ITGAV: variants seen among roughly 807,000 people sequenced by gnomAD.
The protein encoded by ITGAV is integrin alpha-V.
ITGAV carries 76 observed loss-of-function variants against 143.8 expected under a neutral mutation model. The ratio of observed to expected loss-of-function variants is 0.53; its 90% CI spans 0.44 to 0.64. ITGAV has a LOEUF of 0.64. Ranked by LOEUF, ITGAV falls within the 30% of genes least tolerant of loss-of-function variation. ITGAV has a pLI of 0.00. For synonymous variants in ITGAV, 453 were observed against 446.7 expected (o/e 1.01, Z -0.18); for missense variants, 1,193 against 1,274.7 (o/e 0.94, Z 0.98).
chr2:186,592,211 G>A lies in ITGAV; in HGVS notation c.185+1688G>A, dbSNP rs190391657. On this transcript the variant is annotated intron_variant, in intron 1 of 29. Coordinates refer to ENST00000261023, the MANE Select transcript of ITGAV (RefSeq NM_002210.5). ...CCAGCACCTTGGGAGGCCAAGATGG[G>A]CAGATTGTCTGAGCTCAGGAATTTG... Among the ~76,000 whole-genome samples the A allele has an allele frequency of 1.6e-3, 241 of 152,292 alleles. 3 individuals are homozygous for A. Among genetic ancestry groups the A allele is most frequent in the Non-Finnish European group, 3.5e-4 (24 of 68,026 alleles).
At chr2:186,603,819 C>G (rs1292306077) in intron 2 of ITGAV, among the ~76,000 whole-genome samples, 2 of 150,980 alleles carry the variant, frequency 1.3e-5, no homozygotes, top group African/African-American at 4.9e-5. Context: ...AAAGGGTGTA[C>G]AATGAAACAT....
rs1467279989 is a variant in ITGAV, at chr2:186,678,810, A to G, written c.*1518A>G. The G allele has an allele frequency of 2.3e-6, 1 of 433,790 alleles. No individual in the cohort carries two copies. Among genetic ancestry groups the G allele is most frequent in the East Asian group, 7.2e-5 (1 of 13,906 alleles). 26.9% of individuals were successfully genotyped at this position (433,790 alleles called of 1,614,324 possible). On this transcript the variant is annotated 3_prime_UTR_variant, in exon 30 of 30. Transcript: ENST00000261023. ...TAACTGCTGTCCTCATTAGGTAATG[A>G]TAAATATTTCCCTTAAATAATTGAC...
Position 186,677,219 on chromosome 2 carries a change from G to A in ITGAV, c.3074G>A (p.Arg1025Gln), listed in dbSNP as rs138816496. The part of the protein sequence containing the change: ...MYRMGFFKRV[R>Q]PPQEEQEREQ... ...CAGATGGGCTTTTTTAAACGGGTCCGGCCACCTCAAGAAGAACAAGAAAGG... is the reference window on the plus strand; with the variant it reads ...CAGATGGGCTTTTTTAAACGGGTCCAGCCACCTCAAGAAGAACAAGAAAGG... Residue 1025 changes from arginine to glutamine, a missense_variant, in exon 30 of 30, where the codon CGG becomes CAG. By Grantham distance (43) the Arg-to-Gln change is conservative. Transcript: ENST00000261023. The A allele has an allele frequency of 6.8e-6, 11 of 1,613,466 alleles. No homozygotes were observed. Among genetic ancestry groups the A allele is most frequent in the Middle Eastern group, 1.6e-4 (1 of 6,082 alleles).
intron 26 of ITGAV, among the ~76,000 whole-genome samples, chr2:186,675,186 A>G (rs769570930): frequency 9.9e-5 from 15 of 152,226 alleles, no homozygotes; most frequent in Non-Finnish European, 2.1e-4. Flanking sequence ...TAGGCCCTCC[A>G]TGGAAAAACC....
Position 186,676,813 on chromosome 2 carries a change from G to A in ITGAV, c.2929G>A (p.Val977Ile), listed in dbSNP as rs755860012. Residue 977 changes from valine (V) to isoleucine (I), a missense_variant and splice_region_variant, in exon 29 of 30, where the codon GTT becomes ATT. Coordinates refer to ENST00000261023, the MANE Select transcript of ITGAV (RefSeq NM_002210.5). ...AACTAAAAGCTTTTTTCCTCGATAG[G>A]TTACCACTAATGTCACCTGGGGCAT... ...PIEDITNSTL[V>I]TTNVTWGIQP... is the part of the protein sequence containing the mutation. The A allele has an allele frequency of 1.9e-6, 3 of 1,612,706 alleles. No homozygotes were observed. The highest frequency in any genetic ancestry group is 2.5e-6 in the Non-Finnish European group (3 of 1,179,588).
At chr2:186,599,923 G>C (rs1686851486) in intron 1 of ITGAV, among the ~76,000 whole-genome samples, 1 of 152,114 alleles carries the variant, frequency 6.6e-6, no homozygotes, top group Admixed American at 6.6e-5. Flanking sequence ...TCTTACTGCA[G>C]ATCACACTCA....
rs749642649 is a variant in ITGAV, at chr2:186,622,323, CAAT to C, written c.317-14_317-12del. The C allele has an allele frequency of 2.6e-6, 4 of 1,563,416 alleles. No homozygotes were observed. Among genetic ancestry groups the C allele is most frequent in the Non-Finnish European group, 3.5e-6 (4 of 1,134,478 alleles). ...AGTATATTTTGTGTCTTACCACTCA[CAAT>C]ATTCTTTTTTAGGCAATAGAGATTA... On this transcript the variant is annotated splice_polypyrimidine_tract_variant and intron_variant, in intron 2 of 29. Coordinates refer to ENST00000261023, the MANE Select transcript of ITGAV (RefSeq NM_002210.5).
intron 13 of ITGAV, among the ~76,000 whole-genome samples, chr2:186,649,077 G>T: frequency 6.8e-6 from 1 of 146,240 alleles, no homozygotes; most frequent in South Asian, 2.1e-4. Context: ...TTTCCTTTTT[G>T]TGTCTCTTTT....
chr2:186,634,785 G>A (rs1286249930), intron 6 of ITGAV, among the ~76,000 whole-genome samples: 1 of 152,062 alleles, frequency 6.6e-6, no homozygotes, highest in East Asian at 1.9e-4. Flanking sequence ...GAAAATAGGG[G>A]ATATTAACAC....
intron 4 of ITGAV, among the ~76,000 whole-genome samples, chr2:186,630,559 T>A (rs542104673): frequency 6.6e-6 from 1 of 152,042 alleles, no homozygotes; most frequent in African/African-American, 2.4e-5. Context: ...TTTAGTTGGT[T>A]TCTTTGTTCT....
At chr2:186,603,559 A>G (rs906998497) in intron 2 of ITGAV, among the ~76,000 whole-genome samples, 4 of 152,210 alleles carry the variant, frequency 2.6e-5, no homozygotes, top group African/African-American at 9.6e-5. Context: ...AAAAAGGCCC[A>G]ATTTTACCAT....
Position 186,667,931 on chromosome 2 carries a change from A to G in ITGAV, c.2433+155A>G, listed in dbSNP as rs1198896469. On this transcript the variant is annotated intron_variant, in intron 24 of 29. Transcript: ENST00000261023. Reference sequence around the variant, plus strand: ...AGATTTCTTTGAATATTTTCCCTATACATAAATTCATTTTTATTTGACAAA... The same window carrying G: ...AGATTTCTTTGAATATTTTCCCTATGCATAAATTCATTTTTATTTGACAAA... 5 of 388,744 alleles carry G rather than the reference A, an allele frequency of 1.3e-5. No individual in the cohort carries two copies. In the East Asian group the frequency reaches 1.5e-4, roughly 12 times the overall value. The allele number at this position is 388,744 out of a possible 1,614,324, so 24.1% of individuals were successfully genotyped here.
Position 186,656,396 on chromosome 2 carries a change from C to G in ITGAV, c.1714C>G (p.Leu572Val). 2 of 1,484,632 alleles carry G rather than the reference C, an allele frequency of 1.3e-6. No homozygotes were observed. Among genetic ancestry groups the G allele is most frequent in the Non-Finnish European group, 1.8e-6 (2 of 1,122,774 alleles). The allele number at this position is 1,484,632 out of a possible 1,614,324, so 92.0% of individuals were successfully genotyped here. The change falls in exon 17 of 30, where the codon CTG becomes GTG. Residue 572 changes from leucine to valine, a missense_variant. Coordinates refer to ENST00000261023, the MANE Select transcript of ITGAV (RefSeq NM_002210.5). ...LMQCEELIAY[L>V]RDESEFRDKL... ...GCAGTGTGAGGAATTGATAGCGTAT[C>G]TGCGGGTAAGAGCTAACTTTTCTGC...
chr2:186,600,283 A>G (rs1340177238), intron 1 of ITGAV: 1 of 1,506,058 alleles, frequency 6.6e-7, no homozygotes, highest in Non-Finnish European at 9.0e-7. Context: ...CCATCTCTTC[A>G]TTCCACTTCC....
intron 28 of ITGAV, among the ~76,000 whole-genome samples, 161 bp from the exon 29 acceptor site, chr2:186,676,652 A>G (rs1258237413): frequency 6.6e-6 from 1 of 152,208 alleles, no homozygotes; most frequent in African/African-American, 2.4e-5. Flanking sequence ...TCATGTGTGT[A>G]TGTGCATGCT....
At chr2:186,644,303 T>G (rs1049020278) in intron 12 of ITGAV, among the ~76,000 whole-genome samples, 1 of 151,662 alleles carries the variant, frequency 6.6e-6, no homozygotes, top group African/African-American at 2.4e-5. Flanking sequence ...TTATCTTTGG[T>G]TTTTTTGTTT....
chr2:186,600,309 C>T (rs1054767280), intron 1 of ITGAV: 21 of 1,538,460 alleles, frequency 1.4e-5, no homozygotes, highest in Non-Finnish European at 1.7e-5. Context: ...CCCCACCCCC[C>T]ACTCCCCTCC....
At chr2:186,607,976 T>G (rs1375936942) in intron 2 of ITGAV, among the ~76,000 whole-genome samples, 2 of 152,150 alleles carry the variant, frequency 1.3e-5, no homozygotes, top group African/African-American at 4.8e-5. Context: ...CTCTGGAAGC[T>G]ATGGCTATGG....
At position 186,622,445 on chromosome 2, in the gene ITGAV, T is replaced by C. The variant is rs767512265; in HGVS notation, c.408+15T>C. ...ATAAAATTTTGGTGAGTCTTCTGGA[T>C]ATTTACTTACAGGTGATTTTAGTCA... On this transcript the variant is annotated intron_variant, in intron 3 of 29. Transcript: ENST00000261023. 2.0e-6 allele frequency: 3 copies of C among 1,509,006 alleles called. No individual in the cohort carries two copies. In the Admixed American group the frequency reaches 5.0e-5, roughly 25 times the overall value. 93.5% of individuals were successfully genotyped at this position (1,509,006 alleles called of 1,614,324 possible).
Sources: allele counts gnomAD v4.1 joint callset (sites outside exome capture counted in the v4.1 genomes callset), GRCh38; gene constraint gnomAD v4.1.1; transcripts MANE v1.5; gene names NCBI Gene and HGNC (gene_info 2026-07-23, HGNC 2026-07-21).